TBCE: variants seen among roughly 807,000 people sequenced by gnomAD.
The protein encoded by TBCE is tubulin folding cofactor E, also known as tubulin-specific chaperone E.
In TBCE, 53 loss-of-function variants were observed where a neutral mutation model predicts 77.0. That is an observed-to-expected ratio of 0.69 (90% confidence interval 0.55 to 0.87). TBCE has a LOEUF of 0.87. Among genes scored for constraint, TBCE ranks in the 40% least tolerant of loss-of-function variants. The pLI is 0.00. For synonymous variants in TBCE, 235 were observed against 241.3 expected (o/e 0.97, Z 0.24); for missense variants, 624 against 622.4 (o/e 1.00, Z -0.03).
chr1:235,377,417 G>T, intron 1 of TBCE, among the ~76,000 whole-genome samples: 1 of 152,190 alleles, frequency 6.6e-6, no homozygotes, highest in East Asian at 1.9e-4. Context: ...TTGACCTTGT[G>T]ATCTGCCTGC....
chr1:235,419,302 T>C, intron 4 of TBCE, 171 bp from the exon 5 acceptor site: 1 of 934,048 alleles, frequency 1.1e-6, no homozygotes, highest in Non-Finnish European at 1.6e-6. Context: ...ATATTTGTAG[T>C]GCTCTTTTTC....
intron 11 of TBCE, 87 bp from the exon 12 acceptor site, chr1:235,437,235 G>T: frequency 6.5e-7 from 1 of 1,538,794 alleles, no homozygotes; most frequent in South Asian, 1.1e-5. Context: ...TAGAACTAGG[G>T]ACATGCTTTC....
At chr1:235,387,069 G>GC in intron 2 of TBCE, among the ~76,000 whole-genome samples, 1 of 152,342 alleles carries the variant, frequency 6.6e-6, no homozygotes, top group South Asian at 2.1e-4. Flanking sequence ...GTCCACTCCA[G>GC]ACCGTTTGCC....
chr1:235,401,451 G>C (rs1679096589), intron 2 of TBCE, 52 bp from the exon 3 acceptor site: 1 of 1,489,100 alleles, frequency 6.7e-7, no homozygotes, highest in Admixed American at 1.7e-5. Context: ...GAAAACTGGA[G>C]CATTGCCTGT....
rs1231976520 is a variant in TBCE at position 235,401,791 on chromosome 1, C to G, written c.185+204C>G. Reference sequence around the variant, plus strand: ...TTTCCCTTTTTTAAAAAAATTCTGACTCTTGACCTTATGCATGGCGTTGCT... The same window carrying G: ...TTTCCCTTTTTTAAAAAAATTCTGAGTCTTGACCTTATGCATGGCGTTGCT... On this transcript the variant is annotated intron_variant, in intron 3 of 16. Transcript: ENST00000642610. Among the ~76,000 whole-genome samples, 3 of 142,288 alleles carry G rather than the reference C, an allele frequency of 2.1e-5. No homozygotes were observed. In the South Asian group the frequency reaches 6.5e-4, roughly 31 times the overall value. 93.3% of individuals were successfully genotyped at this position (142,288 alleles called of 152,430 possible). A position where few individuals can be genotyped will look rare whatever the true frequency, so the allele number is the denominator to read the frequency against.
intron 2 of TBCE, among the ~76,000 whole-genome samples, chr1:235,383,096 T>C (rs2102819452): frequency 6.9e-6 from 1 of 144,582 alleles, no homozygotes; most frequent in South Asian, 2.3e-4. Context: ...TGCTTGTTTT[T>C]CTCAGGTTTG....
Position 235,398,858 on chromosome 1 carries a change from T to C in TBCE, c.101-2645T>C, listed in dbSNP as rs555804709. Among the ~76,000 whole-genome samples, 48 of 152,040 alleles carry C rather than the reference T, an allele frequency of 3.2e-4. 1 individual carries two copies. Among genetic ancestry groups the C allele is most frequent in the African/African-American group, 1.2e-3 (48 of 41,514 alleles). On this transcript the variant is annotated intron_variant, in intron 2 of 16. Transcript: ENST00000642610. The stretch of plus-strand genomic sequence containing the variant: ...TGTGGTTTCACTATGTTACCTAGGC[T>C]GATCTCAAATTCCAGAGCTCAAGCA...
intron 2 of TBCE, among the ~76,000 whole-genome samples, chr1:235,399,424 C>G (rs561844458): frequency 6.6e-6 from 1 of 152,254 alleles, no homozygotes; most frequent in Non-Finnish European, 1.5e-5. Context: ...TCTCTCCTGC[C>G]CTCCATTCTC....
chr1:235,387,724 A>C (rs569466248), intron 2 of TBCE, among the ~76,000 whole-genome samples: 1 of 152,298 alleles, frequency 6.6e-6, no homozygotes, highest in African/African-American at 2.4e-5. Context: ...TGACTAGCAA[A>C]GGGAACTCCC....
chr1:235,437,501 T>C, intron 12 of TBCE, 27 bp downstream of exon 12: 1 of 1,612,360 alleles, frequency 6.2e-7, no homozygotes, highest in Non-Finnish European at 8.5e-7. Flanking sequence ...TGACTAGATA[T>C]TTTTTAGACT....
intron 7 of TBCE, among the ~76,000 whole-genome samples, chr1:235,432,376 G>A (rs990709643): frequency 2.6e-5 from 4 of 152,200 alleles, no homozygotes; most frequent in Non-Finnish European, 5.9e-5. Context: ...TGAGAGACAG[G>A]TGGGCCCCTT....
intron 6 of TBCE, chr1:235,430,454 C>T (rs1681022736): frequency 2.6e-6 from 1 of 379,842 alleles, no homozygotes; most frequent in Non-Finnish European, 4.9e-6. Context: ...CAGCCGCATA[C>T]AGGTGCCCTA....
At position 235,438,915 on chromosome 1, in the gene TBCE, C is replaced by G. The variant is rs199943206; in HGVS notation, c.1263C>G (p.Leu421=). The change falls in exon 13 of 17, where the codon CTC becomes CTG. Residue 421 remains leucine (L), a synonymous_variant. Coordinates refer to ENST00000642610, the MANE Select transcript of TBCE (RefSeq NM_003193.5). ...FLTAHPRYQF[L]CLKYGAPEDW... ...CAGCCCATCCCAGATACCAGTTCCT[C>G]TGCCTGAGTACGTGCGTATACACTG... 369 of 1,614,166 alleles carry G rather than the reference C, an allele frequency of 2.3e-4. No individual in the cohort carries two copies. The highest frequency in any genetic ancestry group is 3.0e-4 in the Non-Finnish European group (351 of 1,180,038).
intron 7 of TBCE, chr1:235,432,821 A>G: frequency 3.0e-6 from 1 of 338,592 alleles, no homozygotes; most frequent in Non-Finnish European, 4.4e-6. Flanking sequence ...CAGGAGTTCA[A>G]GACCCACCTA....
Position 235,406,543 on chromosome 1 carries a change from A to T in TBCE, c.185+4956A>T, listed in dbSNP as rs541101165. On this transcript the variant is annotated intron_variant, in intron 3 of 16. Coordinates refer to ENST00000642610, the MANE Select transcript of TBCE (RefSeq NM_003193.5). ...AAGAGAAACGTGGATTTTTTCTTTT[A>T]GTTTTTGAGACGGAGTCTCACTCAG... Among the ~76,000 whole-genome samples, 603 of 152,196 alleles carry T rather than the reference A, an allele frequency of 4.0e-3. 4 individuals are homozygous for T. Among genetic ancestry groups the T allele is most frequent in the African/African-American group, 0.014 (575 of 41,554 alleles).
At chr1:235,369,704 G>T (rs1021221071) in intron 1 of TBCE, among the ~76,000 whole-genome samples, 2 of 151,698 alleles carry the variant, frequency 1.3e-5, no homozygotes, top group Non-Finnish European at 2.9e-5. Flanking sequence ...GTGTGTGTCT[G>T]CAATCCCAGC....
In TBCE at chr1:235,408,432, AT is replaced by A. The variant is rs34222562; in HGVS notation, c.186-5986del. ...TTGGTGTGGTGTAAAGTGTTGGAAG[AT>A]TTTTTTTTTTTTTTAATCAGGAAAT... On this transcript the variant is annotated intron_variant, in intron 3 of 16. Transcript: ENST00000642610. 5.2e-3 allele frequency among the ~76,000 whole-genome samples: 746 copies of A among 144,320 alleles called. 2 individuals carry two copies. The highest frequency in any genetic ancestry group is 0.01 in the East Asian group (50 of 4,928). The allele number at this position is 144,320 out of a possible 152,430, so 94.7% of individuals were successfully genotyped here. A position where few individuals can be genotyped will look rare whatever the true frequency, so the allele number is the denominator to read the frequency against.
At chr1:235,391,955 T>C (rs1678415225) in intron 2 of TBCE, among the ~76,000 whole-genome samples, 1 of 151,948 alleles carries the variant, frequency 6.6e-6, no homozygotes, top group African/African-American at 2.4e-5. Flanking sequence ...CGGAGTAGCA[T>C]TTCATTCCTA....
intron 2 of TBCE, among the ~76,000 whole-genome samples, chr1:235,392,436 G>A (rs1678452496): frequency 7.4e-6 from 1 of 134,632 alleles, no homozygotes; most frequent in African/African-American, 2.8e-5. Context: ...TTTAGACAGA[G>A]TCTCGCTCTT....
Sources: allele counts gnomAD v4.1 joint callset (sites outside exome capture counted in the v4.1 genomes callset), GRCh38; gene constraint gnomAD v4.1.1; transcripts MANE v1.5; gene names NCBI Gene and HGNC (gene_info 2026-07-23, HGNC 2026-07-21).